CSMD3: variants seen among roughly 807,000 people sequenced by gnomAD.
CSMD3 encodes CUB and sushi domain-containing protein 3.
In CSMD3, 177 loss-of-function variants were observed where a neutral mutation model predicts 435.2. That is an observed-to-expected ratio of 0.41 (90% CI 0.36 to 0.46). CSMD3 has a LOEUF of 0.46. CSMD3 is among the 20% of genes least tolerant of loss of function. The pLI, the probability that CSMD3 is intolerant of heterozygous loss-of-function variation, is 0.34. For missense variants in CSMD3, 4,265 were observed against 4,504.6 expected (o/e 0.95, Z 1.52); for synonymous variants, 1,656 against 1,520.5 (o/e 1.09, Z -2.07).
At chr8:113,107,404 GT>G (rs1293485724) in intron 4 of CSMD3, among the ~76,000 whole-genome samples, 2 of 152,244 alleles carry the variant, frequency 1.3e-5, no homozygotes, top group Non-Finnish European at 2.9e-5. Context: ...ATCAGGCCCA[GT>G]CCCTTGAATA....
chr8:113,019,208 A>T, intron 5 of CSMD3, 29 bp from the exon 6 acceptor site: 1 of 1,473,898 alleles, frequency 6.8e-7, no homozygotes, highest in Non-Finnish European at 9.5e-7. Flanking sequence ...CAACAAAAAA[A>T]TTTAAAAAGC....
chr8:112,332,525 A>G (rs1360219076), intron 45 of CSMD3, among the ~76,000 whole-genome samples: 1 of 152,182 alleles, frequency 6.6e-6, no homozygotes, highest in African/African-American at 2.4e-5. Flanking sequence ...GGCCTCATGC[A>G]TTCTTGAAAA....
chr8:112,377,636 A>G (rs1829067192), intron 38 of CSMD3, among the ~76,000 whole-genome samples: 2 of 152,108 alleles, frequency 1.3e-5, no homozygotes, highest in African/African-American at 4.8e-5. Context: ...ATGTTTAAAA[A>G]CATCATATAC....
chr8:112,427,032 A>T (rs530574866), intron 32 of CSMD3, among the ~76,000 whole-genome samples: 29 of 152,298 alleles, frequency 1.9e-4, no homozygotes, highest in African/African-American at 7.0e-4. Flanking sequence ...ATCATATCTG[A>T]CAGAGCTTCC....
At chr8:113,176,606 G>GA (rs750713578) in intron 3 of CSMD3, among the ~76,000 whole-genome samples, 107 of 152,186 alleles carry the variant, frequency 7.0e-4, no homozygotes, top group Non-Finnish European at 1.2e-3. Context: ...TGCTAAGATA[G>GA]ACTAGATTTT....
At chr8:112,231,476 C>T (rs1813081385) in intron 69 of CSMD3, 69 bp downstream of exon 69, 1 of 974,484 alleles carries the variant, frequency 1.0e-6, no homozygotes, top group Non-Finnish European at 1.7e-6. Flanking sequence ...TGTACAGAAT[C>T]CACAGTCTTT....
intron 5 of CSMD3, among the ~76,000 whole-genome samples, chr8:113,032,685 CT>C (rs1377809012): frequency 6.6e-6 from 1 of 151,598 alleles, no homozygotes; most frequent in East Asian, 1.9e-4. Context: ...AACACATATT[CT>C]GGGGAGGGAT....
rs1211567509 is a variant in CSMD3, at chr8:112,809,505, T to C, written c.1860-9231A>G. ...GAAAGAAGAAATTCTAGTGAGCTTA[T>C]GCTCATAGACTGCTTTGTTGTCCTA... On this transcript the variant is annotated intron_variant, in intron 12 of 70. Transcript: ENST00000297405. 4.6e-5 allele frequency among the ~76,000 whole-genome samples: 7 copies of C among 152,362 alleles called. No individual in the cohort carries two copies. The East Asian group carries it at 1.3e-3, about 29-fold the overall frequency.
intron 13 of CSMD3, among the ~76,000 whole-genome samples, chr8:112,765,691 C>T (rs2077961025): frequency 6.6e-6 from 1 of 151,630 alleles, no homozygotes; most frequent in Non-Finnish European, 1.5e-5. Flanking sequence ...TTTCCCATGT[C>T]CTCAGTCTCA....
chr8:113,013,866 C>A (rs1174058515), intron 6 of CSMD3, among the ~76,000 whole-genome samples: 1 of 152,076 alleles, frequency 6.6e-6, no homozygotes, highest in Non-Finnish European at 1.5e-5. Context: ...GTATAGTTTG[C>A]AGACAGTGTT....
intron 19 of CSMD3, among the ~76,000 whole-genome samples, chr8:112,647,233 A>T (rs2075004412): frequency 6.6e-6 from 1 of 152,058 alleles, no homozygotes; most frequent in East Asian, 1.9e-4. Context: ...AATGATGAAT[A>T]TATAAAAAAA....
intron 6 of CSMD3, among the ~76,000 whole-genome samples, chr8:112,990,026 C>A (rs1380196402): frequency 6.6e-6 from 1 of 151,968 alleles, no homozygotes; most frequent in Non-Finnish European, 1.5e-5. Context: ...GCTCTTGCCT[C>A]CTGCCATGTA....
chr8:113,028,066 T>C (rs968894410), intron 5 of CSMD3, among the ~76,000 whole-genome samples: 2 of 152,118 alleles, frequency 1.3e-5, no homozygotes, highest in Non-Finnish European at 2.9e-5. Flanking sequence ...TGAAGGTTTG[T>C]GACAATGCTG....
chr8:112,527,525 T>C (rs563149787), intron 27 of CSMD3, among the ~76,000 whole-genome samples: 139 of 152,032 alleles, frequency 9.1e-4, no homozygotes, highest in Admixed American at 2.5e-3. Context: ...GTTGATAAAA[T>C]AAGTGAAGTA....
At chr8:113,229,955 G>C (rs1300611712) in intron 3 of CSMD3, among the ~76,000 whole-genome samples, 4 of 151,312 alleles carry the variant, frequency 2.6e-5, no homozygotes, top group African/African-American at 9.7e-5. Flanking sequence ...CGTGAAGAAA[G>C]GGCTTGTGAC....
rs1432657584 is a variant in CSMD3 at position 112,306,091 on chromosome 8, G to A, written c.7987C>T (p.Arg2663Ter). Residue 2663 changes from arginine to a stop codon, truncating the protein, a stop_gained, in exon 51 of 71, where the codon CGA (arginine) becomes TGA (stop). Transcript: ENST00000297405. LOFTEE classifies it high-confidence loss of function. ...GTAGTGAGTTCTTTGGATGACAATC[G>A]ATATCCATCATTACAAAAATAGGTA... is the stretch of plus-strand genomic sequence containing the variant. ...RVTYFCNDGY[R>*]LSSKELTTAV... The A allele has an allele frequency of 6.2e-7, 1 of 1,612,916 alleles. No homozygotes were observed. Among genetic ancestry groups the A allele is most frequent in the African/African-American group, 1.3e-5 (1 of 74,828 alleles).
intron 35 of CSMD3, among the ~76,000 whole-genome samples, chr8:112,392,619 C>T (rs953476332): frequency 6.6e-6 from 1 of 150,878 alleles, no homozygotes; most frequent in African/African-American, 2.4e-5. Context: ...TTTATAGATG[C>T]TCTTCCTCTC....
intron 34 of CSMD3, among the ~76,000 whole-genome samples, chr8:112,407,071 A>T (rs1483244830): frequency 6.6e-6 from 1 of 151,798 alleles, no homozygotes; most frequent in East Asian, 1.9e-4. Flanking sequence ...TTCTTTTTAA[A>T]CTTAGAATAC....
At chr8:112,824,078 C>A (rs551054305) in intron 12 of CSMD3, among the ~76,000 whole-genome samples, 1 of 152,084 alleles carries the variant, frequency 6.6e-6, no homozygotes, top group East Asian at 1.9e-4. Context: ...TTATGTAATA[C>A]CCTTCTTTGT....
Sources: gnomAD v4.1 joint callset for allele counts (sites outside exome capture counted in the v4.1 genomes callset) on GRCh38, gnomAD v4.1.1 for gene constraint, MANE v1.5 for transcripts, NCBI Gene and HGNC (gene_info 2026-07-23, HGNC 2026-07-21) for gene names.